ZNF804A: variants seen among roughly 807,000 people sequenced by gnomAD.
ZNF804A encodes the protein zinc finger protein 804A.
In ZNF804A, 2 loss-of-function variants were observed where a neutral mutation model predicts 16.5. The observed-to-expected ratio is 0.12, with a 90% CI of 0.05 to 0.38. The LOEUF (loss-of-function observed/expected upper bound fraction) is 0.38. ZNF804A is among the 10% of genes least tolerant of loss of function. The pLI is 0.99. For missense variants in ZNF804A, 1,473 were observed against 1,390.7 expected (o/e 1.06, Z -0.94); for synonymous variants, 534 against 489.6 (o/e 1.09, Z -1.20).
chr2:184,614,675 T>G (rs1216641729), intron 1 of ZNF804A, among the ~76,000 whole-genome samples: 2 of 152,022 alleles, frequency 1.3e-5, no homozygotes, highest in Admixed American at 1.3e-4. Context: ...TAACAGGAAC[T>G]TAAACAAATT....
chr2:184,742,157 T>A (rs1693717777), intron 1 of ZNF804A, among the ~76,000 whole-genome samples: 1 of 152,078 alleles, frequency 6.6e-6, no homozygotes, highest in African/African-American at 2.4e-5. Flanking sequence ...TTCTTTTTAA[T>A]CATTTAGTCT....
At position 184,749,879 on chromosome 2, in the gene ZNF804A, A is replaced by T. The variant is rs1290356040; in HGVS notation, c.112-116490A>T. The stretch of plus-strand genomic sequence containing the variant: ...ATTCTCACTCATTGATTACTTTAAT[A>T]CTAACTATTACAAAAGATTTAAGAT... On this transcript the variant is annotated intron_variant, in intron 1 of 3. Transcript: ENST00000302277. 3.3e-5 allele frequency among the ~76,000 whole-genome samples: 5 copies of T among 151,326 alleles called. No homozygotes were observed. In the South Asian group the frequency reaches 6.2e-4, roughly 19 times the overall value.
chr2:184,817,149 A>G (rs1214996677), intron 1 of ZNF804A, among the ~76,000 whole-genome samples: 2 of 151,906 alleles, frequency 1.3e-5, no homozygotes, highest in Non-Finnish European at 2.9e-5. Flanking sequence ...GAAGATGAAT[A>G]GAGAGATAAT....
intron 1 of ZNF804A, among the ~76,000 whole-genome samples, chr2:184,609,319 C>G (rs957070270): frequency 6.6e-6 from 1 of 152,186 alleles, no homozygotes; most frequent in African/African-American, 2.4e-5. Context: ...ACTGCTGTGA[C>G]ACTGAATTAT....
intron 2 of ZNF804A, among the ~76,000 whole-genome samples, chr2:184,873,801 A>G (rs1368020166): frequency 6.6e-6 from 1 of 152,208 alleles, no homozygotes; most frequent in Non-Finnish European, 1.5e-5. Flanking sequence ...ACAGTTTTAC[A>G]ACATAGATTT....
At chr2:184,749,013 G>C (rs908664934) in intron 1 of ZNF804A, among the ~76,000 whole-genome samples, 1 of 151,598 alleles carries the variant, frequency 6.6e-6, no homozygotes, top group South Asian at 2.1e-4. Flanking sequence ...TTGAAATCAG[G>C]TAGTGTGATG....
chr2:184,803,745 T>C (rs1191879718), intron 1 of ZNF804A, among the ~76,000 whole-genome samples: 3 of 152,230 alleles, frequency 2.0e-5, no homozygotes, highest in African/African-American at 4.8e-5. Flanking sequence ...TTCTTACCTC[T>C]TCTAGCTTCT....
chr2:184,702,428 G>A (rs1340189546), intron 1 of ZNF804A, among the ~76,000 whole-genome samples: 1 of 151,978 alleles, frequency 6.6e-6, no homozygotes, highest in Non-Finnish European at 1.5e-5. Context: ...TAATTCATCA[G>A]TTTCTGATTT....
At chr2:184,659,860 A>G (rs959051204) in intron 1 of ZNF804A, among the ~76,000 whole-genome samples, 10 of 152,366 alleles carry the variant, frequency 6.6e-5, no homozygotes, top group Admixed American at 1.3e-4. Flanking sequence ...CAGCTGAAGT[A>G]TACGATAGTC....
At chr2:184,852,486 C>T (rs1695622473) in intron 1 of ZNF804A, among the ~76,000 whole-genome samples, 1 of 140,822 alleles carries the variant, frequency 7.1e-6, no homozygotes. Context: ...TTTTTTTGGC[C>T]TGTGCTTTTG....
intron 2 of ZNF804A, among the ~76,000 whole-genome samples, chr2:184,881,615 A>G (rs956262804): frequency 1.6e-4 from 25 of 152,096 alleles, no homozygotes; most frequent in African/African-American, 6.0e-4. Context: ...AGGGGTCTAT[A>G]TTCAGCATTC....
rs1694736586 is a variant in ZNF804A, at chr2:184,802,147, T to C, written c.112-64222T>C. On this transcript the variant is annotated intron_variant, in intron 1 of 3. Coordinates refer to ENST00000302277, the MANE Select transcript of ZNF804A (RefSeq NM_194250.2). Reference sequence around the variant, plus strand: ...AGAAAGGGTACCTTTCAGAATCCTGTGATTAAATCTTAGCCTTGTATTGGC... The same window carrying C: ...AGAAAGGGTACCTTTCAGAATCCTGCGATTAAATCTTAGCCTTGTATTGGC... Among the ~76,000 whole-genome samples, 3 of 152,182 alleles carry C rather than the reference T, an allele frequency of 2.0e-5. No homozygotes were observed. The South Asian group carries it at 6.2e-4, about 32-fold the overall frequency.
chr2:184,694,761 T>G (rs10182733), intron 1 of ZNF804A, among the ~76,000 whole-genome samples: 3 of 152,204 alleles, frequency 2.0e-5, no homozygotes, highest in African/African-American at 7.2e-5. Flanking sequence ...ATTTATTTCC[T>G]GAAATTCAGA....
intron 1 of ZNF804A, among the ~76,000 whole-genome samples, chr2:184,713,159 A>G (rs922838198): frequency 1.3e-5 from 2 of 151,706 alleles, no homozygotes; most frequent in Non-Finnish European, 1.5e-5. Context: ...ACTGGCTTCA[A>G]TAGTAAAGGA....
chr2:184,641,487 T>C (rs560415798), intron 1 of ZNF804A, among the ~76,000 whole-genome samples: 95 of 152,306 alleles, frequency 6.2e-4, no homozygotes, highest in Admixed American at 2.2e-3. Flanking sequence ...GTGGTGGTGG[T>C]TGAGCAGGTG....
chr2:184,843,809 C>T (rs956271090), intron 1 of ZNF804A, among the ~76,000 whole-genome samples: 2 of 152,060 alleles, frequency 1.3e-5, no homozygotes, highest in African/African-American at 4.8e-5. Flanking sequence ...AATAGTTAGT[C>T]TGGCTTTTTT....
chr2:184,791,261 C>G (rs143351252), intron 1 of ZNF804A, among the ~76,000 whole-genome samples: 1 of 152,056 alleles, frequency 6.6e-6, no homozygotes, highest in South Asian at 2.1e-4. Flanking sequence ...CTTTATAGGA[C>G]CTGTGAGCTT....
At chr2:184,856,325 A>G (rs1695686052) in intron 1 of ZNF804A, among the ~76,000 whole-genome samples, 1 of 151,970 alleles carries the variant, frequency 6.6e-6, no homozygotes, top group Non-Finnish European at 1.5e-5. Flanking sequence ...CTCTTCCCTC[A>G]ACTGTTTCCA....
intron 1 of ZNF804A, among the ~76,000 whole-genome samples, chr2:184,705,294 G>C (rs1462408563): frequency 6.6e-6 from 1 of 152,100 alleles, no homozygotes; most frequent in African/African-American, 2.4e-5. Flanking sequence ...AGTGGTATTT[G>C]GAATAGGAAG....
Sources: gnomAD v4.1 joint callset for allele counts (sites outside exome capture counted in the v4.1 genomes callset) on GRCh38, gnomAD v4.1.1 for gene constraint, MANE v1.5 for transcripts, NCBI Gene and HGNC (gene_info 2026-07-23, HGNC 2026-07-21) for gene names.